Variants in LINGO2 observed in about 807,000 individuals in gnomAD.
LINGO2 encodes the protein leucine-rich repeat and immunoglobulin-like domain-containing nogo receptor-interacting protein 2.
LINGO2 carries 14 observed loss-of-function variants against 30.6 expected under a neutral mutation model. The observed-to-expected ratio is 0.46, with a 90% CI of 0.30 to 0.72. The LOEUF (loss-of-function observed/expected upper bound fraction) is 0.72. Among genes scored for constraint, LINGO2 ranks in the 30% least tolerant of loss-of-function variants. LINGO2 has a pLI of 0.07. For synonymous variants in LINGO2, 317 were observed against 288.5 expected, an observed-to-expected ratio of 1.10 and a Z score of -1.00; for missense variants, 729 against 751.7, an observed-to-expected ratio of 0.97 and a Z score of 0.35.
Position 28,336,791 on chromosome 9 carries a change from C to CA in LINGO2, c.-246+36044dup, listed in dbSNP as rs1554707371. ...TAATCATTACCAGTGCAAATTGTGG[C>CA]AAAAAAAAACCACCTCATTTTCCAT... is the stretch of plus-strand genomic sequence containing the variant. On this transcript the variant is annotated intron_variant, in intron 3 of 5. Transcript: ENST00000379992. Among the ~76,000 whole-genome samples the CA allele has an allele frequency of 1.7e-3, 235 of 139,570 alleles. 3 individuals are homozygous for CA. Among genetic ancestry groups the CA allele is most frequent in the African/African-American group, 6.0e-3 (197 of 32,766 alleles). 91.6% of individuals were successfully genotyped at this position (139,570 alleles called of 152,430 possible). A position where few individuals can be genotyped will look rare whatever the true frequency, so the allele number is the denominator to read the frequency against.
intron 4 of LINGO2, among the ~76,000 whole-genome samples, chr9:28,287,536 A>C (rs1002259702): frequency 7.2e-5 from 11 of 152,242 alleles, no homozygotes; most frequent in Admixed American, 4.6e-4. Flanking sequence ...TTTTGTGAGC[A>C]GTATGTGCCA....
chr9:28,898,420 T>A, the LINGO2 span, among the ~76,000 whole-genome samples: 1 of 152,232 alleles, frequency 6.6e-6, no homozygotes, highest in East Asian at 1.9e-4. Context: ...AATTTGACAG[T>A]CTATAAAATC....
chr9:28,853,526 A>G, the LINGO2 span, among the ~76,000 whole-genome samples: 4 of 151,964 alleles, frequency 2.6e-5, no homozygotes, highest in East Asian at 5.8e-4. Context: ...ACTGCCTCCT[A>G]ACGTAGTAGT....
At chr9:27,997,513 G>A (rs1282654017) in intron 5 of LINGO2, among the ~76,000 whole-genome samples, 1 of 151,134 alleles carries the variant, frequency 6.6e-6, no homozygotes, top group Non-Finnish European at 1.5e-5. Flanking sequence ...TCAGACTCCT[G>A]CCTATAACAT....
chr9:29,034,089 A>T, the LINGO2 span, among the ~76,000 whole-genome samples: 15 of 152,190 alleles, frequency 9.9e-5, no homozygotes, highest in African/African-American at 3.6e-4. Context: ...CCTCAAAAAA[A>T]AAAGAAACAT....
At chr9:28,786,388 G>C in the LINGO2 span, among the ~76,000 whole-genome samples, 13 of 152,016 alleles carry the variant, frequency 8.6e-5, no homozygotes, top group Non-Finnish European at 1.6e-4. Flanking sequence ...GAATCCTTCT[G>C]TATCTGTATT....
At chr9:28,673,726 AAG>A (rs1216885855), upstream of LINGO2, among the ~76,000 whole-genome samples, 1 of 151,650 alleles carries the variant, frequency 6.6e-6, no homozygotes, top group Non-Finnish European at 1.5e-5. Flanking sequence ...CAGAGGATAA[AAG>A]AAAAATATGA....
At chr9:28,469,999 A>G (rs534736875) in intron 2 of LINGO2, among the ~76,000 whole-genome samples, 2 of 152,280 alleles carry the variant, frequency 1.3e-5, no homozygotes, top group South Asian at 4.1e-4. Context: ...CAAATGTATA[A>G]AATAATTCTA....
chr9:28,863,102 T>C, the LINGO2 span, among the ~76,000 whole-genome samples: 1 of 152,040 alleles, frequency 6.6e-6, no homozygotes, highest in Non-Finnish European at 1.5e-5. Context: ...TACAATTTGG[T>C]ATGTTAAGGT....
At chr9:29,128,412 T>C in the LINGO2 span, among the ~76,000 whole-genome samples, 4 of 152,146 alleles carry the variant, frequency 2.6e-5, no homozygotes, top group African/African-American at 9.6e-5. Flanking sequence ...AATTTGACCC[T>C]GATAACCTAA....
At chr9:28,989,093 T>A in the LINGO2 span, among the ~76,000 whole-genome samples, 1 of 152,192 alleles carries the variant, frequency 6.6e-6, no homozygotes, top group African/African-American at 2.4e-5. Context: ...AATGCTATAA[T>A]GGATATGCTA....
chr9:28,890,195 T>TTTTTGTTTTGTTTTG, the LINGO2 span, among the ~76,000 whole-genome samples: 146 of 151,100 alleles, frequency 9.7e-4, 1 homozygote, highest in African/African-American at 3.5e-3. Flanking sequence ...TTTTCTTGGT[T>TTTTTGTTTTGTTTTG]TTTTGTTTTG....
At chr9:28,587,482 A>G (rs1184154128) in intron 1 of LINGO2, among the ~76,000 whole-genome samples, 1 of 151,872 alleles carries the variant, frequency 6.6e-6, no homozygotes, top group African/African-American at 2.4e-5. Context: ...AGCTCCGGAG[A>G]ATCTCAGATA....
chr9:28,009,816 A>C (rs909247224), intron 5 of LINGO2, among the ~76,000 whole-genome samples: 52 of 152,334 alleles, frequency 3.4e-4, no homozygotes, highest in African/African-American at 1.3e-3. Flanking sequence ...GTTTCTCAAA[A>C]AGTTACTATG....
intron 4 of LINGO2, among the ~76,000 whole-genome samples, chr9:28,034,516 A>G (rs193077463): frequency 5.9e-5 from 9 of 152,220 alleles, no homozygotes; most frequent in Non-Finnish European, 1.0e-4. Context: ...AATTTCAGCA[A>G]CTCACAAAGA....
At chr9:28,479,917 A>ATATATATATATATATATATATGTAGG (rs1825882959) in intron 1 of LINGO2, among the ~76,000 whole-genome samples, 1 of 53,498 alleles carries the variant, frequency 1.9e-5, no homozygotes, top group Non-Finnish European at 3.8e-5. Context: ...GTAGGTATAT[A>ATATATATATATATATATATATGTAGG]TATATATATA....
chr9:28,629,243 G>A (rs994441843), intron 1 of LINGO2, among the ~76,000 whole-genome samples: 3 of 152,044 alleles, frequency 2.0e-5, no homozygotes, highest in African/African-American at 7.2e-5. Context: ...CAATTCTGAA[G>A]CTATCTGGAA....
At chr9:28,280,547 A>G (rs1823283683) in intron 4 of LINGO2, among the ~76,000 whole-genome samples, 1 of 152,178 alleles carries the variant, frequency 6.6e-6, no homozygotes, top group South Asian at 2.1e-4. Context: ...CTTTAGGTAT[A>G]GCTACTTCCT....
chr9:28,361,826 C>G (rs969944012), intron 3 of LINGO2, among the ~76,000 whole-genome samples: 4 of 152,132 alleles, frequency 2.6e-5, no homozygotes, highest in Non-Finnish European at 5.9e-5. Context: ...TTTATAGCAA[C>G]TTTGTAAGTT....
Sources: gnomAD v4.1 joint callset for allele counts (sites outside exome capture counted in the v4.1 genomes callset) on GRCh38, gnomAD v4.1.1 for gene constraint, MANE v1.5 for transcripts, NCBI Gene and HGNC (gene_info 2026-07-23, HGNC 2026-07-21) for gene names.